PHACTR4: variants seen among roughly 807,000 people sequenced by gnomAD.
PHACTR4 encodes protein phosphatase 1, regulatory subunit 124.
Under a neutral mutation model 72.7 loss-of-function variants are expected in PHACTR4, and 51 were observed. That is an observed-to-expected ratio of 0.70 (90% CI 0.56 to 0.89). The LOEUF (loss-of-function observed/expected upper bound fraction) is 0.89, where lower values mean the gene tolerates loss of function less well. Among genes scored for constraint, PHACTR4 ranks in the 40% least tolerant of loss-of-function variants. The pLI, the probability that PHACTR4 is intolerant of heterozygous loss-of-function variation, is 0.00. For synonymous variants in PHACTR4, 255 were observed against 302.5 expected (o/e 0.84, Z 1.63); for missense variants, 731 against 861.8 (o/e 0.85, Z 1.90).
At position 28,441,705 on chromosome 1, in the gene PHACTR4, G is replaced by A. The variant is rs149069738; in HGVS notation, c.17-17380G>A. Among the ~76,000 whole-genome samples, 31 of 152,296 alleles carry A rather than the reference G, an allele frequency of 2.0e-4. No homozygotes were observed. In the East Asian group the frequency reaches 6.0e-3, roughly 29 times the overall value. ...TGTAGATTTATCTAGATAAAACATT[G>A]CAATCAGGGCAGAGTGCATTGGTTC... On this transcript the variant is annotated intron_variant, in intron 2 of 13. Transcript: ENST00000373839.
chr1:28,421,603 A>G (rs1655515526), intron 2 of PHACTR4, among the ~76,000 whole-genome samples: 1 of 152,116 alleles, frequency 6.6e-6, no homozygotes, highest in Non-Finnish European at 1.5e-5. Flanking sequence ...TTGATTTCTT[A>G]AAATAATTTA....
At chr1:28,442,199 T>G (rs1172386563) in intron 2 of PHACTR4, among the ~76,000 whole-genome samples, 1 of 151,726 alleles carries the variant, frequency 6.6e-6, no homozygotes, top group Non-Finnish European at 1.5e-5. Context: ...GGGCGCAGTG[T>G]CTCATGCCTG....
In PHACTR4 at chr1:28,473,916, A is replaced by G. The variant is rs372964339; in HGVS notation, c.1186A>G (p.Lys396Glu). ...GGAAGATCAGAAAAAGGAAGTCCCC[A>G]AGAGGATACTGGACCAGAACTTTGG... Reference protein sequence around the residue: ...QQEDQKKEVPKRILDQNFGEP... With the variant: ...QQEDQKKEVPERILDQNFGEP... The change falls in exon 7 of 14, where the codon AAG (lysine) becomes GAG (glutamate). Residue 396 changes from lysine to glutamate, a missense_variant. Physicochemically the swap from Lys to Glu is moderately conservative, Grantham distance 56 (BLOSUM62 1). This residue lies in a region of PHACTR4 where 621 missense variants were observed against 676.6 expected (regional missense o/e 0.92). Coordinates refer to ENST00000373839, the MANE Select transcript of PHACTR4 (RefSeq NM_001048183.3). 1 of 1,614,060 alleles carries G rather than the reference A, an allele frequency of 6.2e-7. No individual in the cohort carries two copies. The highest frequency in any genetic ancestry group is 1.3e-5 in the African/African-American group (1 of 74,924).
At chr1:28,463,040 G>T (rs957781070) in intron 4 of PHACTR4, among the ~76,000 whole-genome samples, 11 of 152,020 alleles carry the variant, frequency 7.2e-5, no homozygotes, top group Non-Finnish European at 7.4e-5. Context: ...CTCTATAAAA[G>T]ATTTTTTAAA....
rs535620186 is a variant in PHACTR4, at chr1:28,397,288, A to G, written c.-38-10122A>G. Among the ~76,000 whole-genome samples the G allele has an allele frequency of 2.6e-5, 4 of 152,314 alleles. No individual in the cohort carries two copies. In the South Asian group the frequency reaches 8.3e-4, roughly 32 times the overall value. On this transcript the variant is annotated intron_variant, in intron 1 of 13. Transcript: ENST00000373839. ...ATTCTCATTAAAGATGAGTATTATTAATCCCACTTGAATCCCCAAAGACAA... is the reference window on the plus strand; with the variant it reads ...ATTCTCATTAAAGATGAGTATTATTGATCCCACTTGAATCCCCAAAGACAA...
At chr1:28,377,373 G>C (rs1221061741) in intron 1 of PHACTR4, among the ~76,000 whole-genome samples, 2 of 151,802 alleles carry the variant, frequency 1.3e-5, no homozygotes, top group East Asian at 3.9e-4. Flanking sequence ...TGAGTAGTTG[G>C]GGTTACAGGC....
At chr1:28,457,669 T>C (rs1257838353) in intron 2 of PHACTR4, among the ~76,000 whole-genome samples, 1 of 151,998 alleles carries the variant, frequency 6.6e-6, no homozygotes, top group Non-Finnish European at 1.5e-5. Flanking sequence ...TTATGACCTT[T>C]TTACCCTCCT....
intron 9 of PHACTR4, among the ~76,000 whole-genome samples, chr1:28,482,368 G>A (rs1660335203): frequency 6.6e-6 from 1 of 152,126 alleles, no homozygotes; most frequent in South Asian, 2.1e-4. Flanking sequence ...CATTATATCT[G>A]TTTCATATGT....
intron 1 of PHACTR4, among the ~76,000 whole-genome samples, chr1:28,379,581 A>G (rs1651972786): frequency 6.9e-6 from 1 of 144,096 alleles, no homozygotes; most frequent in Admixed American, 6.9e-5. Flanking sequence ...GCCCTGGCCT[A>G]TAATTTCTTT....
intron 2 of PHACTR4, among the ~76,000 whole-genome samples, chr1:28,410,860 C>A (rs2124298953): frequency 6.6e-6 from 1 of 152,098 alleles, no homozygotes; most frequent in East Asian, 1.9e-4. Flanking sequence ...GCACCTGCCA[C>A]CATGCCCAGC....
chr1:28,431,271 G>A (rs994396099), intron 2 of PHACTR4, among the ~76,000 whole-genome samples: 104 of 149,466 alleles, frequency 7.0e-4, no homozygotes, highest in African/African-American at 2.4e-3. Flanking sequence ...TTGGGAGGCC[G>A]AGGCGGGTGG....
chr1:28,405,519 G>T (rs1015187002), intron 1 of PHACTR4, among the ~76,000 whole-genome samples: 1 of 151,482 alleles, frequency 6.6e-6, no homozygotes, highest in Non-Finnish European at 1.5e-5. Flanking sequence ...TAGAGACAGG[G>T]TTTCACCATG....
chr1:28,378,646 T>G (rs1651900688), intron 1 of PHACTR4, among the ~76,000 whole-genome samples: 2 of 145,852 alleles, frequency 1.4e-5, no homozygotes, highest in African/African-American at 5.0e-5. Context: ...ATGTTTTGTT[T>G]TGTTTTGATT....
Position 28,399,215 on chromosome 1 carries a change from G to A in PHACTR4, c.-38-8195G>A, listed in dbSNP as rs529304913. Among the ~76,000 whole-genome samples, 33 of 152,216 alleles carry A rather than the reference G, an allele frequency of 2.2e-4. No homozygotes were observed. In the South Asian group the frequency reaches 6.8e-3, roughly 32 times the overall value. On this transcript the variant is annotated intron_variant, in intron 1 of 13. Transcript: ENST00000373839. ...TAATCTCAGCTACTGGGGAGGCTGA[G>A]GCAGGAGAATCGCTTGAATCCAGGA...
intron 12 of PHACTR4, among the ~76,000 whole-genome samples, chr1:28,492,025 C>G (rs1398307443): frequency 6.6e-6 from 1 of 152,164 alleles, no homozygotes; most frequent in Non-Finnish European, 1.5e-5. Context: ...TGCTATCTCA[C>G]AGAGTAAAAA....
In PHACTR4 at chr1:28,497,654, C is replaced by T. The variant is rs558763179; in HGVS notation, c.*1105C>T. The T allele has an allele frequency of 1.4e-5, 2 of 139,450 alleles. No individual in the cohort carries two copies. The highest frequency in any genetic ancestry group is 2.6e-5 in the African/African-American group (1 of 37,942). 8.6% of individuals were successfully genotyped at this position (139,450 alleles called of 1,614,324 possible). A position where few individuals can be genotyped will look rare whatever the true frequency, so the allele number is the denominator to read the frequency against. On this transcript the variant is annotated 3_prime_UTR_variant, in exon 14 of 14. Transcript: ENST00000373839. ...ACTCCCACACTGTGGAGTGTACTTTCATTTTCAATAAATCCCCTTATTCCT... is the reference window on the plus strand; with the variant it reads ...ACTCCCACACTGTGGAGTGTACTTTTATTTTCAATAAATCCCCTTATTCCT...
rs543551663 is a variant in PHACTR4 at position 28,370,037 on chromosome 1, C to G, written c.-39+212C>G. 1.8e-3 allele frequency among the ~76,000 whole-genome samples: 279 copies of G among 152,254 alleles called. 1 individual carries two copies. The highest frequency in any genetic ancestry group is 3.1e-3 in the Non-Finnish European group (212 of 67,998). On this transcript the variant is annotated intron_variant, in intron 1 of 13. Coordinates refer to ENST00000373839, the MANE Select transcript of PHACTR4 (RefSeq NM_001048183.3). Reference sequence around the variant, plus strand: ...CACAACGGTCCAACCCGGGCTTCTCCGCCTGAGGCAGGGCCCGCGCAGGCT... The same window carrying G: ...CACAACGGTCCAACCCGGGCTTCTCGGCCTGAGGCAGGGCCCGCGCAGGCT...
intron 2 of PHACTR4, among the ~76,000 whole-genome samples, chr1:28,412,882 T>G (rs1463152066): frequency 6.6e-6 from 1 of 152,156 alleles, no homozygotes; most frequent in African/African-American, 2.4e-5. Context: ...TCTTGGACAT[T>G]TGACAGAAAT....
At chr1:28,403,511 C>T (rs1287578005) in intron 1 of PHACTR4, among the ~76,000 whole-genome samples, 1 of 152,104 alleles carries the variant, frequency 6.6e-6, no homozygotes, top group Non-Finnish European at 1.5e-5. Context: ...CAACAGCATG[C>T]TACCACAGTA....
Sources: allele counts gnomAD v4.1 joint callset (sites outside exome capture counted in the v4.1 genomes callset), GRCh38; gene constraint gnomAD v4.1.1; regional missense constraint gnomAD v4.1.1; transcripts MANE v1.5; gene names NCBI Gene and HGNC (gene_info 2026-07-23, HGNC 2026-07-21).